PHF14: variants seen among roughly 807,000 people sequenced by gnomAD.
PHF14 encodes the protein PHD finger protein 14.
Under a neutral mutation model 117.9 loss-of-function variants are expected in PHF14, and 55 were observed. That is an observed-to-expected ratio of 0.47 (90% CI 0.38 to 0.58). The LOEUF is 0.58. PHF14 is among the 20% of genes least tolerant of loss of function. The probability of loss-of-function intolerance (pLI) is 0.00; values close to 1 mark genes in which losing one functional copy is unlikely to be tolerated. For synonymous variants in PHF14, 409 were observed against 368.6 expected (o/e 1.11, Z -1.26); for missense variants, 978 against 1,122.2 (o/e 0.87, Z 1.84).
intron 14 of PHF14, 82 bp downstream of exon 14, chr7:11,051,862 A>G (rs1237822785): frequency 8.7e-7 from 1 of 1,147,098 alleles, no homozygotes; most frequent in Non-Finnish European, 1.3e-6. Flanking sequence ...CAGGGCAAAC[A>G]TATACTCAGA....
intron 16 of PHF14, chr7:11,062,892 A>T (rs1785280756): frequency 1.0e-6 from 1 of 982,926 alleles, no homozygotes; most frequent in African/African-American, 1.7e-5. Context: ...TTTGTAAGGG[A>T]ATCCATTCTT....
intron 4 of PHF14, among the ~76,000 whole-genome samples, chr7:11,013,128 A>G (rs1349980329): frequency 6.6e-6 from 1 of 152,112 alleles, no homozygotes; most frequent in Non-Finnish European, 1.5e-5. Flanking sequence ...ATTAATCTAA[A>G]TTCTTTAATG....
intron 4 of PHF14, among the ~76,000 whole-genome samples, chr7:11,004,270 GAAAA>G (rs1313785247): frequency 2.8e-5 from 3 of 107,798 alleles, no homozygotes; most frequent in Non-Finnish European, 5.7e-5. Context: ...AAAAAAAAAA[GAAAA>G]GAAAAAGAAA....
chr7:11,061,869 A>T, intron 15 of PHF14, 28 bp downstream of exon 15: 1 of 1,520,520 alleles, frequency 6.6e-7, no homozygotes, highest in South Asian at 1.3e-5. Context: ...ACTTTTACAC[A>T]GTCTTAACTT....
At chr7:11,129,394 A>T (rs937605749) in intron 17 of PHF14, among the ~76,000 whole-genome samples, 1 of 152,058 alleles carries the variant, frequency 6.6e-6, no homozygotes, top group Non-Finnish European at 1.5e-5. Flanking sequence ...ATTTCTGTTA[A>T]CATTTAATAG....
intron 13 of PHF14, among the ~76,000 whole-genome samples, chr7:11,047,505 T>C (rs1562438936): frequency 6.6e-6 from 1 of 151,462 alleles, no homozygotes; most frequent in Non-Finnish European, 1.5e-5. Context: ...GTATAGAAAA[T>C]TGAGAAAAGG....
intron 2 of PHF14, among the ~76,000 whole-genome samples, chr7:10,979,553 C>CTTT (rs202055293): frequency 3.8e-5 from 5 of 131,804 alleles, no homozygotes; most frequent in South Asian, 2.4e-4. Context: ...CTTTCTCTCT[C>CTTT]TTTTTTTTTT....
intron 16 of PHF14, among the ~76,000 whole-genome samples, chr7:11,088,255 A>G (rs1421521519): frequency 6.6e-6 from 1 of 151,866 alleles, no homozygotes; most frequent in Non-Finnish European, 1.5e-5. Flanking sequence ...TATTTTTTTT[A>G]TTGTTGTATT....
At chr7:11,023,574 C>T (rs755231234) in intron 6 of PHF14, among the ~76,000 whole-genome samples, 27 of 152,174 alleles carry the variant, frequency 1.8e-4, no homozygotes, top group South Asian at 4.1e-4. Context: ...CGCCTGTTAT[C>T]CCAGCACTTC....
At chr7:11,067,939 A>G (rs1785477857) in intron 16 of PHF14, among the ~76,000 whole-genome samples, 1 of 152,176 alleles carries the variant, frequency 6.6e-6, no homozygotes, top group Non-Finnish European at 1.5e-5. Flanking sequence ...TTCATGACGT[A>G]AACACCTCCC....
chr7:11,073,728 A>G (rs1785713620), intron 16 of PHF14, among the ~76,000 whole-genome samples: 1 of 152,208 alleles, frequency 6.6e-6, no homozygotes, highest in African/African-American at 2.4e-5. Flanking sequence ...GCTTTCTGTG[A>G]AGGCTCTGTC....
intron 4 of PHF14, among the ~76,000 whole-genome samples, chr7:10,998,527 TATATTC>T (rs1216007276): frequency 3.9e-5 from 6 of 152,166 alleles, no homozygotes; most frequent in South Asian, 2.1e-4. Context: ...TTAATATAAA[TATATTC>T]ATATGAATAT....
chr7:11,024,318 G>A (rs531385770), intron 6 of PHF14, among the ~76,000 whole-genome samples: 3 of 152,304 alleles, frequency 2.0e-5, no homozygotes, highest in African/African-American at 7.2e-5. Context: ...AGATGAAGAA[G>A]ATGCAGCAGG....
intron 17 of PHF14, among the ~76,000 whole-genome samples, chr7:11,116,253 A>C (rs1173616892): frequency 6.6e-6 from 1 of 151,936 alleles, no homozygotes; most frequent in Admixed American, 6.6e-5. Flanking sequence ...CAGCTTATCT[A>C]CTGTCTCTAT....
In PHF14 at chr7:10,974,956, C is replaced by G; in HGVS notation, c.112+11C>G. Reference sequence around the variant, plus strand: ...TTGGAGATGCCTCAGGTAAATATTTCCTTCTCTCTTCCCCTTTCCCAGCTT... The same window carrying G: ...TTGGAGATGCCTCAGGTAAATATTTGCTTCTCTCTTCCCCTTTCCCAGCTT... On this transcript the variant is annotated intron_variant, in intron 2 of 17. Transcript: ENST00000634607. The G allele has an allele frequency of 7.9e-7, 1 of 1,262,984 alleles. No homozygotes were observed. Among genetic ancestry groups the G allele is most frequent in the Non-Finnish European group, 1.1e-6 (1 of 878,716 alleles). 78.2% of individuals were successfully genotyped at this position (1,262,984 alleles called of 1,614,324 possible). A position where few individuals can be genotyped will look rare whatever the true frequency, so the allele number is the denominator to read the frequency against.
At chr7:11,097,581 C>G (rs781595642) in intron 16 of PHF14, among the ~76,000 whole-genome samples, 13 of 152,140 alleles carry the variant, frequency 8.5e-5, no homozygotes, top group Non-Finnish European at 1.5e-4. Context: ...GACTTTTGAA[C>G]TTCATCAGCA....
chr7:11,143,672 A>G (rs1335545663), intron 17 of PHF14, among the ~76,000 whole-genome samples: 1 of 152,072 alleles, frequency 6.6e-6, no homozygotes, highest in Non-Finnish European at 1.5e-5. Flanking sequence ...TTTTACCATT[A>G]TTTAACAAAT....
At chr7:11,087,366 A>G (rs1786452935) in intron 16 of PHF14, among the ~76,000 whole-genome samples, 1 of 151,854 alleles carries the variant, frequency 6.6e-6, no homozygotes, top group Non-Finnish European at 1.5e-5. Context: ...TAATTTTTAT[A>G]TTTTTAGTAG....
intron 14 of PHF14, 62 bp downstream of exon 14, chr7:11,051,842 G>C: frequency 4.3e-6 from 6 of 1,387,432 alleles, no homozygotes; most frequent in Non-Finnish European, 5.0e-6. Flanking sequence ...TTAAGAGAGT[G>C]AGAAAGACAC....
Sources: gnomAD v4.1 joint callset for allele counts (sites outside exome capture counted in the v4.1 genomes callset) on GRCh38, gnomAD v4.1.1 for gene constraint, MANE v1.5 for transcripts, NCBI Gene and HGNC (gene_info 2026-07-23, HGNC 2026-07-21) for gene names.